Variants in KAZN observed in about 807,000 individuals in gnomAD.
The protein encoded by KAZN is kazrin.
Under a neutral mutation model 87.4 loss-of-function variants are expected in KAZN, and 40 were observed. That is an observed-to-expected ratio of 0.46 (90% CI 0.36 to 0.60). The LOEUF is 0.60. KAZN is among the 20% of genes least tolerant of loss of function. The pLI is 0.00. For synonymous variants in KAZN, 466 were observed against 458.3 expected (o/e 1.02, Z -0.22); for missense variants, 898 against 1,073.9 (o/e 0.84, Z 2.29).
chr1:14,529,191 C>G (rs1427490266), intron 2 of KAZN, among the ~76,000 whole-genome samples: 1 of 152,134 alleles, frequency 6.6e-6, no homozygotes. Context: ...GTAATCCCAG[C>G]TACTTGGGAG....
At chr1:14,972,508 A>G (rs1572954478) in intron 2 of KAZN, among the ~76,000 whole-genome samples, 1 of 147,704 alleles carries the variant, frequency 6.8e-6, no homozygotes, top group Non-Finnish European at 1.5e-5. Context: ...CTGACCTCAG[A>G]CTGGGAACTT....
At position 14,180,999 on chromosome 1, in the gene KAZN, G is replaced by A. The variant is rs147328155; in HGVS notation, c.249+407G>A. On this transcript the variant is annotated intron_variant, in intron 2 of 16. Transcript: ENST00000636203. ...GCATTTGCTGTACTCCTCCCGCCCC[G>A]CCCCAGTAAGTACATCAGCACTGGT... Among the ~76,000 whole-genome samples the A allele has an allele frequency of 2.1e-3, 323 of 152,226 alleles. 1 individual carries two copies. Among genetic ancestry groups the A allele is most frequent in the Middle Eastern group, 0.014 (4 of 294 alleles).
intron 13 of KAZN, among the ~76,000 whole-genome samples, chr1:15,106,216 G>C (rs1372557020): frequency 6.6e-6 from 1 of 152,140 alleles, no homozygotes; most frequent in Non-Finnish European, 1.5e-5. Flanking sequence ...GGGAGTGTGA[G>C]GCTGCAGTGA....
intron 1 of KAZN, among the ~76,000 whole-genome samples, chr1:14,887,382 G>T: frequency 6.6e-6 from 1 of 152,194 alleles, no homozygotes; most frequent in East Asian, 1.9e-4. Flanking sequence ...GGCATGGGCT[G>T]CCGCTGAGAT....
chr1:14,516,825 C>A (rs1368818597), intron 2 of KAZN, among the ~76,000 whole-genome samples: 1 of 152,098 alleles, frequency 6.6e-6, no homozygotes, highest in African/African-American at 2.4e-5. Context: ...CCTTCTTCTT[C>A]TTTTCTATCA....
intron 1 of KAZN, among the ~76,000 whole-genome samples, chr1:14,718,800 C>T (rs1188477912): frequency 1.3e-5 from 2 of 152,186 alleles, no homozygotes; most frequent in African/African-American, 4.8e-5. Context: ...GCACCCTTTC[C>T]TTTCTGCTTT....
At chr1:14,503,820 G>A (rs950802281) in intron 2 of KAZN, among the ~76,000 whole-genome samples, 1 of 152,010 alleles carries the variant, frequency 6.6e-6, no homozygotes, top group African/African-American at 2.4e-5. Flanking sequence ...TTAGGGCCAG[G>A]GGCTCACTGC....
At chr1:14,248,516 C>T (rs1228887889) in intron 2 of KAZN, among the ~76,000 whole-genome samples, 1 of 152,170 alleles carries the variant, frequency 6.6e-6, no homozygotes, top group Non-Finnish European at 1.5e-5. Context: ...AAAGCTGCTC[C>T]TAGCCCAGTT....
chr1:13,938,605 C>T (rs1454826770), intron 1 of KAZN, among the ~76,000 whole-genome samples: 2 of 152,180 alleles, frequency 1.3e-5, no homozygotes, highest in Admixed American at 6.5e-5. Context: ...CAGGGTGGAA[C>T]CCTCACAGAT....
At chr1:14,924,356 G>A (rs1435614500) in intron 1 of KAZN, 1 of 988,812 alleles carries the variant, frequency 1.0e-6, no homozygotes, top group African/African-American at 1.8e-5. Flanking sequence ...GTCCCCCCGG[G>A]CACCCGGCAT....
At chr1:14,992,514 C>T (rs1667451420) in intron 2 of KAZN, among the ~76,000 whole-genome samples, 1 of 152,212 alleles carries the variant, frequency 6.6e-6, no homozygotes, top group Non-Finnish European at 1.5e-5. Context: ...CCAGTGGCCC[C>T]TCCTCCAGGG....
intron 1 of KAZN, among the ~76,000 whole-genome samples, chr1:14,637,364 C>T (rs1054523607): frequency 1.7e-4 from 26 of 152,116 alleles, no homozygotes; most frequent in African/African-American, 6.3e-4. Context: ...AGTGCCACAG[C>T]AATTCTGGGG....
intron 11 of KAZN, among the ~76,000 whole-genome samples, chr1:15,102,688 T>C (rs1458660019): frequency 6.6e-6 from 1 of 152,186 alleles, no homozygotes; most frequent in Non-Finnish European, 1.5e-5. Flanking sequence ...CTGTGAACCC[T>C]GGGGTCAGTC....
At chr1:14,983,898 C>T (rs369210121) in intron 2 of KAZN, among the ~76,000 whole-genome samples, 5 of 151,674 alleles carry the variant, frequency 3.3e-5, no homozygotes, top group South Asian at 2.1e-4. Flanking sequence ...GCTGAGATCA[C>T]GCCATTGCAC....
At chr1:14,781,911 A>G (rs1645363089) in intron 1 of KAZN, among the ~76,000 whole-genome samples, 1 of 152,216 alleles carries the variant, frequency 6.6e-6, no homozygotes, top group Admixed American at 6.5e-5. Context: ...TACGGACTGA[A>G]TTCCACGATC....
chr1:14,183,258 A>G (rs571031765), intron 2 of KAZN, among the ~76,000 whole-genome samples: 2 of 152,294 alleles, frequency 1.3e-5, no homozygotes, highest in Admixed American at 6.5e-5. Context: ...GAGCAAACAC[A>G]TCTCCCAAGT....
At chr1:14,101,221 CCATATTAACTCTTTTCTGCA>C (rs1644242770) in intron 1 of KAZN, among the ~76,000 whole-genome samples, 1 of 152,164 alleles carries the variant, frequency 6.6e-6, no homozygotes, top group African/African-American at 2.4e-5. Context: ...GTCAGGCCTG[CCATATTAACTCTTTTCTGCA>C]CAGCTCATAA....
At chr1:14,086,444 A>G (rs1643859370) in intron 1 of KAZN, among the ~76,000 whole-genome samples, 1 of 152,176 alleles carries the variant, frequency 6.6e-6, no homozygotes, top group African/African-American at 2.4e-5. Context: ...AAGTGAGACC[A>G]TATGGTAGGT....
At chr1:15,034,908 C>G in intron 3 of KAZN, 23 bp downstream of exon 3, 2 of 1,612,000 alleles carry the variant, frequency 1.2e-6, no homozygotes, top group Non-Finnish European at 1.7e-6. Flanking sequence ...CCTGCCCTCC[C>G]CTCCCCTCCC....
Sources: gnomAD v4.1 joint callset for allele counts (sites outside exome capture counted in the v4.1 genomes callset) on GRCh38, gnomAD v4.1.1 for gene constraint, MANE v1.5 for transcripts, NCBI Gene and HGNC (gene_info 2026-07-23, HGNC 2026-07-21) for gene names.